The following FGF18 variants were observed in gnomAD, a reference collection of about 807,000 sequenced individuals.
The protein encoded by FGF18 is fibroblast growth factor 18.
FGF18 carries 5 observed loss-of-function variants against 23.0 expected under a neutral mutation model. The observed-to-expected ratio is 0.22, with a 90% confidence interval of 0.11 to 0.46. The LOEUF (loss-of-function observed/expected upper bound fraction) is 0.46. Ranked by LOEUF, FGF18 falls within the 20% of genes least tolerant of loss-of-function variation. FGF18 has a pLI of 0.99. For missense variants in FGF18, 180 were observed against 291.6 expected, an observed-to-expected ratio of 0.62 and a Z score of 2.79; for synonymous variants, 117 against 118.9, an observed-to-expected ratio of 0.98 and a Z score of 0.10.
chr5:171,435,967 G>A (rs908063817), intron 2 of FGF18, 126 bp from the exon 3 acceptor site: 18 of 696,330 alleles, frequency 2.6e-5, no homozygotes, highest in South Asian at 2.1e-4. Context: ...TTATCAGTGT[G>A]TGCCACGGCC....
chr5:171,439,495 G>A (rs187746820), intron 3 of FGF18, among the ~76,000 whole-genome samples: 5 of 152,324 alleles, frequency 3.3e-5, no homozygotes, highest in African/African-American at 7.2e-5. Context: ...TCTTCTTGCC[G>A]TTGGTGCTGG....
In FGF18 at chr5:171,419,910, A is replaced by T. The variant is rs1771973673; in HGVS notation, c.-290A>T. 1 of 157,468 alleles carries T rather than the reference A, an allele frequency of 6.4e-6. No individual in the cohort carries two copies. The highest frequency in any genetic ancestry group is 6.5e-5 in the Admixed American group (1 of 15,382). The allele number at this position is 157,468 out of a possible 1,614,324, so 9.8% of individuals were successfully genotyped here. ...ACGGCCGGCCGGCCAGCAGTGAGCG[A>T]GCTTCCCCGCACCGGCCAGGCGCCT... On this transcript the variant is annotated 5_prime_UTR_variant, in exon 1 of 5. Coordinates refer to ENST00000274625, the MANE Select transcript of FGF18 (RefSeq NM_003862.3).
intron 2 of FGF18, among the ~76,000 whole-genome samples, chr5:171,429,000 G>A (rs1293730903): frequency 1.3e-5 from 2 of 152,192 alleles, no homozygotes; most frequent in African/African-American, 4.8e-5. Flanking sequence ...TCAATACATT[G>A]ATAGCCCTGG....
intron 4 of FGF18, 62 bp downstream of exon 4, chr5:171,449,315 G>C: frequency 9.3e-7 from 1 of 1,070,520 alleles, no homozygotes; most frequent in Non-Finnish European, 1.4e-6. Context: ...CTGGGAGCTG[G>C]AACAATGTGT....
intron 2 of FGF18, among the ~76,000 whole-genome samples, chr5:171,422,871 G>T (rs934730441): frequency 6.6e-6 from 1 of 152,214 alleles, no homozygotes; most frequent in African/African-American, 2.4e-5. Context: ...TTCCCTCTCT[G>T]TGGATCCCCA....
chr5:171,444,211 C>G (rs1772386837), intron 3 of FGF18, among the ~76,000 whole-genome samples: 1 of 152,158 alleles, frequency 6.6e-6, no homozygotes, highest in African/African-American at 2.4e-5. Flanking sequence ...GAAGACCTCC[C>G]CTGCCTCCTT....
chr5:171,429,483 G>A (rs905937461), intron 2 of FGF18, among the ~76,000 whole-genome samples: 1 of 152,244 alleles, frequency 6.6e-6, no homozygotes, highest in African/African-American at 2.4e-5. Flanking sequence ...GGGGAGCTGC[G>A]TTTTCAGGTG....
chr5:171,450,790 C>T (rs2113363506), intron 4 of FGF18, among the ~76,000 whole-genome samples: 1 of 152,172 alleles, frequency 6.6e-6, no homozygotes, highest in South Asian at 2.1e-4. Flanking sequence ...TCCCCCTGGC[C>T]TGGCCGGTCG....
In FGF18 at chr5:171,457,411, T is replaced by G. The variant is rs1408315716; in HGVS notation, c.*606T>G. 3 of 152,444 alleles carry G rather than the reference T, an allele frequency of 2.0e-5. No homozygotes were observed. The highest frequency in any genetic ancestry group is 2.9e-5 in the Non-Finnish European group (2 of 68,322). 9.4% of individuals were successfully genotyped at this position (152,444 alleles called of 1,614,324 possible). A position where few individuals can be genotyped will look rare whatever the true frequency, so the allele number is the denominator to read the frequency against. ...ACGCCTCGTCCAATCATGGTGACCC[T>G]GCCTTGCTCGCAGTTCTGGAGGATG... On this transcript the variant is annotated 3_prime_UTR_variant, in exon 5 of 5. Coordinates refer to ENST00000274625, the MANE Select transcript of FGF18 (RefSeq NM_003862.3).
intron 2 of FGF18, among the ~76,000 whole-genome samples, chr5:171,425,856 G>A (rs1772082063): frequency 6.6e-6 from 1 of 152,164 alleles, no homozygotes; most frequent in Non-Finnish European, 1.5e-5. Flanking sequence ...ACATTATCCA[G>A]GTCAAGCCTC....
chr5:171,450,509 A>C (rs1772482358), intron 4 of FGF18, among the ~76,000 whole-genome samples: 1 of 152,172 alleles, frequency 6.6e-6, no homozygotes, highest in Non-Finnish European at 1.5e-5. Flanking sequence ...ACGCCCGGGC[A>C]CTTGTCCCAG....
rs1466897807 is a variant in FGF18, at chr5:171,451,139, C to T, written c.357+1886C>T. 1.3e-5 allele frequency among the ~76,000 whole-genome samples: 2 copies of T among 151,840 alleles called. No individual in the cohort carries two copies. The highest frequency in any genetic ancestry group is 1.3e-4 in the Admixed American group (2 of 15,274). On this transcript the variant is annotated intron_variant, in intron 4 of 4. Transcript: ENST00000274625. The surrounding 1 kb of genome is among the most constrained non-coding windows in gnomAD (Gnocchi z 4.5). ...CAGGAGCCGGCTCCGATTTCCTGCC[C>T]CCTCGCCCTCTCTCCCGTCATTAAT...
intron 2 of FGF18, among the ~76,000 whole-genome samples, chr5:171,430,186 G>A (rs369830245): frequency 4.7e-4 from 72 of 151,594 alleles, no homozygotes; most frequent in African/African-American, 1.6e-3. Context: ...GTGAAATCCC[G>A]TCTCTACTAA....
chr5:171,446,791 A>AT (rs1394746249), intron 3 of FGF18, among the ~76,000 whole-genome samples: 1 of 152,128 alleles, frequency 6.6e-6, no homozygotes, highest in East Asian at 1.9e-4. Flanking sequence ...TCAAGGTCAC[A>AT]TAGCCTAGGA....
Position 171,440,478 on chromosome 5 carries a change from G to A in FGF18, c.250+4205G>A, listed in dbSNP as rs764084540. 3.3e-5 allele frequency among the ~76,000 whole-genome samples: 5 copies of A among 152,044 alleles called. No individual in the cohort carries two copies. Among genetic ancestry groups the A allele is most frequent in the Non-Finnish European group, 7.4e-5 (5 of 68,014 alleles). ...CCCCTCAGTCCCTTATTCATTCAAC[G>A]TAAATTACCAAGCCCAAGCACCAGG... On this transcript the variant is annotated intron_variant, in intron 3 of 4. Coordinates refer to ENST00000274625, the MANE Select transcript of FGF18 (RefSeq NM_003862.3). This position sits in a 1 kb window ranked among gnomAD's most constrained non-coding sequence, Gnocchi z 4.0.
rs1772598983 is a variant in FGF18, at chr5:171,457,215, CAACAAACTCCCCCT to C, written c.*414_*427del. 1 of 161,502 alleles carries C rather than the reference CAACAAACTCCCCCT, an allele frequency of 6.2e-6. No individual in the cohort carries two copies. Among genetic ancestry groups the C allele is most frequent in the Non-Finnish European group, 1.4e-5 (1 of 74,016 alleles). The allele number at this position is 161,502 out of a possible 1,614,324, so 10.0% of individuals were successfully genotyped here. A position where few individuals can be genotyped will look rare whatever the true frequency, so the allele number is the denominator to read the frequency against. On this transcript the variant is annotated 3_prime_UTR_variant, in exon 5 of 5. Transcript: ENST00000274625. Reference sequence around the variant, plus strand: ...AAAGAGAAAGTAGTACTCCGCCCACCAACAAACTCCCCCTAACTTTCCCAATCCTCTGTTCCTGC... The same window carrying C: ...AAAGAGAAAGTAGTACTCCGCCCACCAACTTTCCCAATCCTCTGTTCCTGC...
At chr5:171,439,876 G>C (rs1772315151) in intron 3 of FGF18, among the ~76,000 whole-genome samples, 1 of 152,078 alleles carries the variant, frequency 6.6e-6, no homozygotes, top group African/African-American at 2.4e-5. Context: ...TTGAAAAAAA[G>C]ATTTCTCTGT....
At chr5:171,431,691 G>A (rs1372596011) in intron 2 of FGF18, among the ~76,000 whole-genome samples, 1 of 152,198 alleles carries the variant, frequency 6.6e-6, no homozygotes, top group Non-Finnish European at 1.5e-5. Context: ...GGCGTGGCAG[G>A]AAAGGTGGAG....
chr5:171,456,950 A>C lies in FGF18; in HGVS notation c.*145A>C. ...TAAAAGAAGACAAAAACTGAACCAAAACTCTTGGGGGGAGGGGTGATAAGG... is the reference window on the plus strand; with the variant it reads ...TAAAAGAAGACAAAAACTGAACCAACACTCTTGGGGGGAGGGGTGATAAGG... On this transcript the variant is annotated 3_prime_UTR_variant, in exon 5 of 5. Coordinates refer to ENST00000274625, the MANE Select transcript of FGF18 (RefSeq NM_003862.3). This position sits in a 1 kb window ranked among gnomAD's most constrained non-coding sequence, Gnocchi z 6.1. The C allele has an allele frequency of 1.9e-6, 2 of 1,034,860 alleles. No homozygotes were observed. The highest frequency in any genetic ancestry group is 2.7e-6 in the Non-Finnish European group (2 of 733,798). The allele number at this position is 1,034,860 out of a possible 1,614,324, so 64.1% of individuals were successfully genotyped here.
Sources: allele counts gnomAD v4.1 joint callset (sites outside exome capture counted in the v4.1 genomes callset), GRCh38; gene constraint gnomAD v4.1.1; non-coding constraint Gnocchi (gnomAD v3.1); transcripts MANE v1.5; gene names NCBI Gene and HGNC (gene_info 2026-07-23, HGNC 2026-07-21).